The following SPOCD1 variants were observed in gnomAD, a reference collection of about 807,000 sequenced individuals.
SPOCD1 encodes the protein SPOC domain-containing protein 1.
SPOCD1 carries 64 observed loss-of-function variants against 92.2 expected under a neutral mutation model. The ratio of observed to expected loss-of-function variants is 0.69; its 90% CI spans 0.57 to 0.86. The LOEUF (loss-of-function observed/expected upper bound fraction) is 0.86. Among genes scored for constraint, SPOCD1 ranks in the 40% least tolerant of loss-of-function variants. The pLI is 0.00. For synonymous variants in SPOCD1, 578 were observed against 619.3 expected (o/e 0.93, Z 0.99); for missense variants, 1,360 against 1,543.1 (o/e 0.88, Z 1.99).
Position 31,792,678 on chromosome 1 carries a change from C to T in SPOCD1, c.2775G>A (p.Lys925=). 6.3e-7 allele frequency: 1 copy of T among 1,596,160 alleles called. No individual in the cohort carries two copies. The highest frequency in any genetic ancestry group is 8.5e-7 in the Non-Finnish European group (1 of 1,171,432). ...LLASICPAKA[K]DVCVVRLCPH... ...GGGGTGCCCAAGAGTGGGCAGGTAC[C>T]TTGGCCTTGGCTGGGCAGATGCTGG... Residue 925 remains lysine, a splice_region_variant and synonymous_variant, in exon 14 of 16, where the codon AAG becomes AAA. Transcript: ENST00000360482.
At chr1:31,793,479 T>C in intron 12 of SPOCD1, 51 bp from the exon 13 acceptor site, 1 of 1,549,346 alleles carries the variant, frequency 6.5e-7, no homozygotes, top group South Asian at 1.2e-5. Context: ...CATGAGGACT[T>C]CCCCGGCACC....
In SPOCD1 at chr1:31,815,323, G is replaced by A. The variant is rs565251096; in HGVS notation, c.11C>T (p.Ala4Val). The A allele has an allele frequency of 2.4e-5, 37 of 1,546,300 alleles. No homozygotes were observed. The highest frequency in any genetic ancestry group is 1.1e-4 in the East Asian group (5 of 43,876). ...TGTGCTGGGGCCTTCTACGTCCCCC[G>A]CCTGGGACATGTCTGTCCACCTACC... MSQ[A>V]GDVEGPSTGD... The change falls in exon 2 of 16, where the codon GCG becomes GTG. Residue 4 changes from alanine to valine, a missense_variant. This residue lies in a region of SPOCD1 where 140 missense variants were observed against 183.8 expected (regional missense o/e 0.76). Coordinates refer to ENST00000360482, the MANE Select transcript of SPOCD1 (RefSeq NM_144569.7).
chr1:31,796,046 GGACA>G, intron 10 of SPOCD1: 16 of 183,526 alleles, frequency 8.7e-5, no homozygotes, highest in South Asian at 5.8e-4. Context: ...GGAGCAGGAT[GGACA>G]TGAGGATGGA....
chr1:31,799,349 G>A, intron 7 of SPOCD1, 52 bp downstream of exon 7: 3 of 1,489,654 alleles, frequency 2.0e-6, no homozygotes, highest in Non-Finnish European at 2.8e-6. Context: ...GGAGGCGGGG[G>A]CATGTGAGGG....
At position 31,814,118 on chromosome 1, in the gene SPOCD1, T is replaced by G. The variant is rs751483030; in HGVS notation, c.1216A>C (p.Ser406Arg). The G allele has an allele frequency of 1.1e-5, 17 of 1,609,454 alleles. No homozygotes were observed. The Admixed American group carries it at 2.7e-4, about 25-fold the overall frequency. Residue 406 changes from serine (S) to arginine (R), a missense_variant, in exon 2 of 16, where the codon AGC becomes CGC. By Grantham distance (110) the Ser-to-Arg change is moderately radical. Around this residue, in one of 3 missense-constraint regions of SPOCD1, gnomAD observed 606 missense variants for 601.5 expected, o/e 1.01. Transcript: ENST00000360482. This position sits in a 1 kb window ranked among gnomAD's most constrained non-coding sequence, Gnocchi z 4.2. The part of the protein sequence containing the change: ...GLSSSLDTEA[S>R]RACSGPFMEQ... ...ATGAATGGGCCTGAGCAGGCCCTGC[T>G]GGCTTCAGTATCCAGGGAGGAGCTG...
chr1:31,791,438 C>T (rs774175979), intron 15 of SPOCD1, 147 bp from the exon 16 acceptor site: 53 of 591,280 alleles, frequency 9.0e-5, no homozygotes, highest in Middle Eastern at 3.8e-4. Flanking sequence ...TTGAGCTCTG[C>T]GGGATCAAGG....
In SPOCD1 at chr1:31,790,542, C is replaced by T; in HGVS notation, c.*61G>A. The T allele has an allele frequency of 3.4e-6, 5 of 1,468,670 alleles. No individual in the cohort carries two copies. Among genetic ancestry groups the T allele is most frequent in the Non-Finnish European group, 4.6e-6 (5 of 1,082,544 alleles). 91.0% of individuals were successfully genotyped at this position (1,468,670 alleles called of 1,614,324 possible). A position where few individuals can be genotyped will look rare whatever the true frequency, so the allele number is the denominator to read the frequency against. ...CCTCTCCTTGCAGTCCCACCTCTCT[C>T]TGGAACAGGCTTCAACACTAGTGAG... On this transcript the variant is annotated 3_prime_UTR_variant, in exon 16 of 16. Transcript: ENST00000360482.
Position 31,798,231 on chromosome 1 carries a change from G to A in SPOCD1, c.2121C>T (p.Arg707=). The A allele has an allele frequency of 6.2e-7, 1 of 1,614,080 alleles. No individual in the cohort carries two copies. Among genetic ancestry groups the A allele is most frequent in the South Asian group, 1.1e-5 (1 of 91,088 alleles). ...CCCTTTTCTCCTCCTGGTCCCGCCA[G>A]CGGGCCAGCTCCTGGGGGGCCAGCT... ...SMQLAPQELA[R]WRDQEEKRGL... The change falls in exon 9 of 16, where the codon CGC becomes CGT. Residue 707 remains arginine, a synonymous_variant. Transcript: ENST00000360482. The surrounding 1 kb of genome is among the most constrained non-coding windows in gnomAD (Gnocchi z 4.1).
chr1:31,807,767 G>A (rs919592061), intron 2 of SPOCD1, among the ~76,000 whole-genome samples: 5 of 151,988 alleles, frequency 3.3e-5, no homozygotes, highest in Non-Finnish European at 7.4e-5. Flanking sequence ...ATTGATTAAG[G>A]AAAAGAGAGG....
At chr1:31,801,779 GA>G in intron 2 of SPOCD1, 74 bp from the exon 3 acceptor site, 1 of 1,262,648 alleles carries the variant, frequency 7.9e-7, no homozygotes, top group Middle Eastern at 1.9e-4. Context: ...TTCACAAAAA[GA>G]AGACAATCTT....
intron 9 of SPOCD1, among the ~76,000 whole-genome samples, chr1:31,797,538 G>A: frequency 6.6e-6 from 1 of 152,234 alleles, no homozygotes; most frequent in East Asian, 1.9e-4. Context: ...GCCTATAGTG[G>A]ACAGATTCAC....
At chr1:31,793,625 CAAGG>C (rs753747643) in intron 12 of SPOCD1, 118 bp downstream of exon 12, 6 of 1,564,042 alleles carry the variant, frequency 3.8e-6, no homozygotes, top group Admixed American at 3.6e-5. Flanking sequence ...GTGAGGTTCC[CAAGG>C]GAGGGAAGAC....
Position 31,793,799 on chromosome 1 carries a change from C to A in SPOCD1, c.2482G>T (p.Ala828Ser). 1 of 1,614,234 alleles carries A rather than the reference C, an allele frequency of 6.2e-7. No homozygotes were observed. Among genetic ancestry groups the A allele is most frequent in the Non-Finnish European group, 8.5e-7 (1 of 1,180,038 alleles). ...QKALSQTPMP[A>S]PEMPKTRELS... is the part of the protein sequence containing the mutation. ...TCCCTGGTTTTGGGCATCTCTGGAG[C>A]AGGCATAGGAGTTTGGCTTAGGGCT... The change falls in exon 12 of 16, where the codon GCT becomes TCT. Residue 828 changes from alanine (A) to serine (S), a missense_variant. Physicochemically the swap from Ala to Ser is moderately conservative, Grantham distance 99. Transcript: ENST00000360482.
rs1159680597 is a variant in SPOCD1, at chr1:31,796,604, G to T, written c.2257C>A (p.Leu753Met). Reference protein sequence around the residue: ...IQRDMDQTLTLEDLVGPQMFM... With the variant: ...IQRDMDQTLTMEDLVGPQMFM... ...TCCAACTTAACCACCAGATCCTCCAGGGTCAGTGTCTGGTCCATGTCCCGC... is the reference window on the plus strand; with the variant it reads ...TCCAACTTAACCACCAGATCCTCCATGGTCAGTGTCTGGTCCATGTCCCGC... Residue 753 changes from leucine to methionine, a missense_variant, in exon 10 of 16, where the codon CTG (leucine) becomes ATG (methionine). Transcript: ENST00000360482. The T allele has an allele frequency of 6.8e-6, 11 of 1,614,136 alleles. No homozygotes were observed. The Admixed American group carries it at 1.8e-4, about 27-fold the overall frequency.
Position 31,800,029 on chromosome 1 carries a change from G to A in SPOCD1, c.1715C>T (p.Pro572Leu), listed in dbSNP as rs1359601471. The change falls in exon 5 of 16, where the codon CCT becomes CTT. Residue 572 changes from proline to leucine, a missense_variant. Coordinates refer to ENST00000360482, the MANE Select transcript of SPOCD1 (RefSeq NM_144569.7). ...SLALGDPSSD[P>L]ACSQSGPMEA... ...AGAACAACTTGCCTGGGAACATGCA[G>A]GGTCCGAGCTGGGGTCGCCAAGGGC... 1 of 1,612,128 alleles carries A rather than the reference G, an allele frequency of 6.2e-7. No individual in the cohort carries two copies. The highest frequency in any genetic ancestry group is 1.1e-5 in the South Asian group (1 of 90,992).
At position 31,798,984 on chromosome 1, in the gene SPOCD1, C is replaced by T. The variant is rs757980717; in HGVS notation, c.1869-383G>A. The T allele has an allele frequency of 1.9e-6, 1 of 532,662 alleles. No homozygotes were observed. Among genetic ancestry groups the T allele is most frequent in the Non-Finnish European group, 3.3e-6 (1 of 303,784 alleles). The allele number at this position is 532,662 out of a possible 1,614,324, so 33.0% of individuals were successfully genotyped here. ...CAGGAGTCAGGGGGAGAGAATGGAGCCCTGGCCCTCGGTGTCATCTGTCAT... is the reference window on the plus strand; with the variant it reads ...CAGGAGTCAGGGGGAGAGAATGGAGTCCTGGCCCTCGGTGTCATCTGTCAT... On this transcript the variant is annotated intron_variant, in intron 7 of 15. Transcript: ENST00000360482. The surrounding 1 kb of genome is among the most constrained non-coding windows in gnomAD (Gnocchi z 4.1).
intron 13 of SPOCD1, 74 bp downstream of exon 13, chr1:31,793,204 A>AAG (rs142408689): frequency 0.013 from 17,169 of 1,364,884 alleles, 16 homozygotes; most frequent in Middle Eastern, 0.015. Flanking sequence ...GCATGAGTGA[A>AAG]AGAGAGAGAG....
Position 31,804,022 on chromosome 1 carries a change from C to G in SPOCD1, c.1384-2317G>C, listed in dbSNP as rs778451890. On this transcript the variant is annotated intron_variant, in intron 2 of 15. Coordinates refer to ENST00000360482, the MANE Select transcript of SPOCD1 (RefSeq NM_144569.7). The stretch of plus-strand genomic sequence containing the variant: ...GATAAAAGACAAAAATTTACAGATT[C>G]AAAAAGCTCAGTGAATCTCAAACAG... Among the ~76,000 whole-genome samples, 10 of 152,114 alleles carry G rather than the reference C, an allele frequency of 6.6e-5. No individual in the cohort carries two copies. In the South Asian group the frequency reaches 8.3e-4, roughly 13 times the overall value.
chr1:31,802,896 G>T (rs1648559126), intron 2 of SPOCD1, among the ~76,000 whole-genome samples: 2 of 152,214 alleles, frequency 1.3e-5, no homozygotes, highest in East Asian at 3.9e-4. Flanking sequence ...CAGGCTGCCA[G>T]TAGGGAAGCA....
Sources: allele counts gnomAD v4.1 joint callset (sites outside exome capture counted in the v4.1 genomes callset), GRCh38; gene constraint gnomAD v4.1.1; regional missense constraint gnomAD v4.1.1; non-coding constraint Gnocchi (gnomAD v3.1); transcripts MANE v1.5; gene names NCBI Gene and HGNC (gene_info 2026-07-23, HGNC 2026-07-21).